MECOM: variants seen among roughly 807,000 people sequenced by gnomAD.
MECOM encodes the protein histone-lysine N-methyltransferase MECOM.
Under a neutral mutation model 116.3 loss-of-function variants are expected in MECOM, and 13 were observed. The observed-to-expected ratio is 0.11, with a 90% CI of 0.07 to 0.18. The LOEUF (loss-of-function observed/expected upper bound fraction) is 0.18, where lower values mean the gene tolerates loss of function less well. MECOM is among the 10% of genes least tolerant of loss of function. The pLI is 1.00. For synonymous variants in MECOM, 528 were observed against 535.2 expected (o/e 0.99, Z 0.19); for missense variants, 1,299 against 1,509.0 (o/e 0.86, Z 2.31).
intron 2 of MECOM, among the ~76,000 whole-genome samples, chr3:169,250,328 G>A (rs894000287): frequency 2.0e-5 from 3 of 152,142 alleles, no homozygotes; most frequent in Non-Finnish European, 2.9e-5. Context: ...CAAGGCACTG[G>A]TTAAGGTTCA....
intron 2 of MECOM, among the ~76,000 whole-genome samples, chr3:169,273,348 A>G (rs1759179943): frequency 6.6e-6 from 1 of 152,356 alleles, no homozygotes; most frequent in South Asian, 2.1e-4. Context: ...TATGCTGTGT[A>G]GGAGCACTTT....
chr3:169,426,705 T>A (rs1460470194), intron 1 of MECOM, among the ~76,000 whole-genome samples: 3 of 152,212 alleles, frequency 2.0e-5, no homozygotes, highest in African/African-American at 7.2e-5. Context: ...GAAGAGTAAT[T>A]GCAGTTAATA....
At chr3:169,469,102 A>G (rs1353208121) in intron 1 of MECOM, among the ~76,000 whole-genome samples, 1 of 150,924 alleles carries the variant, frequency 6.6e-6, no homozygotes, top group African/African-American at 2.5e-5. Context: ...GTCAAATTCC[A>G]TAAGGGGAGG....
At chr3:169,199,814 G>C (rs982990067) in intron 2 of MECOM, among the ~76,000 whole-genome samples, 4 of 151,984 alleles carry the variant, frequency 2.6e-5, no homozygotes, top group African/African-American at 4.8e-5. Context: ...GCGTTACTCT[G>C]TCATTTCATG....
intron 2 of MECOM, among the ~76,000 whole-genome samples, chr3:169,331,721 G>A (rs1470066853): frequency 6.6e-6 from 1 of 152,100 alleles, no homozygotes; most frequent in Non-Finnish European, 1.5e-5. Flanking sequence ...GGGCTTTCCA[G>A]ATACATCTCT....
intron 1 of MECOM, among the ~76,000 whole-genome samples, chr3:169,608,955 C>T (rs571975681): frequency 3.3e-5 from 5 of 152,094 alleles, no homozygotes; most frequent in South Asian, 2.1e-4. Context: ...AAATCTGAGA[C>T]GCGTGATGGG....
intron 1 of MECOM, among the ~76,000 whole-genome samples, chr3:169,471,212 TAACTCCTGGGCTC>T (rs922132633): frequency 6.6e-6 from 1 of 152,092 alleles, no homozygotes; most frequent in African/African-American, 2.4e-5. Context: ...TGCTGGTCTC[TAACTCCTGGGCTC>T]AAGCAATACA....
chr3:169,193,810 T>C (rs9866556), intron 2 of MECOM, among the ~76,000 whole-genome samples: 40,342 of 151,920 alleles, frequency 0.27, 6,071 homozygotes, highest in African/African-American at 0.42. Flanking sequence ...TATAAAACTA[T>C]GGTTAGTGTT....
chr3:169,144,328 G>A (rs1739054871), intron 2 of MECOM, among the ~76,000 whole-genome samples: 2 of 151,926 alleles, frequency 1.3e-5, no homozygotes, highest in Non-Finnish European at 2.9e-5. Context: ...AATTGAAGGA[G>A]ATAATAAGAT....
chr3:169,257,752 C>T (rs1757023710), intron 2 of MECOM, among the ~76,000 whole-genome samples: 1 of 152,126 alleles, frequency 6.6e-6, no homozygotes, highest in East Asian at 1.9e-4. Context: ...TTGGCCTTTC[C>T]TCAACCATCA....
At chr3:169,161,550 G>C (rs998388475) in intron 2 of MECOM, among the ~76,000 whole-genome samples, 1 of 152,134 alleles carries the variant, frequency 6.6e-6, no homozygotes, top group African/African-American at 2.4e-5. Flanking sequence ...TCCTCTCCAT[G>C]TTCCAGGTAC....
intron 1 of MECOM, among the ~76,000 whole-genome samples, chr3:169,618,392 C>T (rs1449379330): frequency 6.6e-6 from 1 of 152,192 alleles, no homozygotes; most frequent in Non-Finnish European, 1.5e-5. Context: ...GGCGGTGGCT[C>T]ACACCTGTAA....
chr3:169,264,107 A>G (rs749902201), intron 2 of MECOM, among the ~76,000 whole-genome samples: 22 of 152,230 alleles, frequency 1.4e-4, no homozygotes, highest in Non-Finnish European at 1.9e-4. Flanking sequence ...AAAACCTGAA[A>G]TCTAAGTGGA....
chr3:169,650,877 A>G (rs1774814760), intron 1 of MECOM, among the ~76,000 whole-genome samples: 1 of 152,190 alleles, frequency 6.6e-6, no homozygotes. Context: ...AATTGGTTCA[A>G]TGAAATGTGT....
chr3:169,530,506 C>G (rs1265986098), intron 1 of MECOM, among the ~76,000 whole-genome samples: 1 of 152,122 alleles, frequency 6.6e-6, no homozygotes, highest in Non-Finnish European at 1.5e-5. Flanking sequence ...GTCTCCCAGC[C>G]ACCTATGAAG....
In MECOM at chr3:169,399,740, T is replaced by G. The variant is rs1244772837; in HGVS notation, c.38-18216A>C. On this transcript the variant is annotated intron_variant, in intron 1 of 16. Transcript: ENST00000651503. The stretch of plus-strand genomic sequence containing the variant: ...TTTTGTTTTATGTTTTTGTGGAGTT[T>G]TTTAAAGAAACATTTTGCTTTTTTG... Among the ~76,000 whole-genome samples, 7 of 152,370 alleles carry G rather than the reference T, an allele frequency of 4.6e-5. No homozygotes were observed. The East Asian group carries it at 1.3e-3, about 29-fold the overall frequency.
chr3:169,217,740 C>T (rs1315957651), intron 2 of MECOM, among the ~76,000 whole-genome samples: 2 of 152,006 alleles, frequency 1.3e-5, no homozygotes, highest in South Asian at 2.1e-4. Context: ...GCTGAGATCA[C>T]ACCACTGCAC....
At chr3:169,601,292 A>G (rs1467647897) in intron 1 of MECOM, among the ~76,000 whole-genome samples, 1 of 152,234 alleles carries the variant, frequency 6.6e-6, no homozygotes, top group Non-Finnish European at 1.5e-5. Context: ...CTTAAAAATC[A>G]TTTCTTTCAG....
intron 1 of MECOM, among the ~76,000 whole-genome samples, chr3:169,642,679 A>G (rs1182383071): frequency 6.6e-6 from 1 of 151,968 alleles, no homozygotes; most frequent in African/African-American, 2.4e-5. Context: ...GAGCTTATCA[A>G]TTCACACAGC....
Sources: gnomAD v4.1 joint callset for allele counts (sites outside exome capture counted in the v4.1 genomes callset) on GRCh38, gnomAD v4.1.1 for gene constraint, MANE v1.5 for transcripts, NCBI Gene and HGNC (gene_info 2026-07-23, HGNC 2026-07-21) for gene names.